Variants in SLC6A3 observed in about 807,000 individuals in gnomAD.
SLC6A3 encodes the protein solute carrier family 6 member 3.
SLC6A3 carries 19 observed loss-of-function variants against 70.4 expected under a neutral mutation model. The observed-to-expected ratio is 0.27, with a 90% CI of 0.19 to 0.40. The LOEUF is 0.40. Among genes scored for constraint, SLC6A3 ranks in the 10% least tolerant of loss-of-function variants. SLC6A3 has a pLI of 1.00. For synonymous variants in SLC6A3, 368 were observed against 356.6 expected, an observed-to-expected ratio of 1.03 and a Z score of -0.36; for missense variants, 613 against 838.5, an observed-to-expected ratio of 0.73 and a Z score of 3.32.
chr5:1,414,699 G>A lies in SLC6A3; in HGVS notation c.1148C>T (p.Ala383Val). Residue 383 changes from alanine (A) to valine (V), a missense_variant, in exon 8 of 15, where the codon GCC becomes GTC. Around this residue, in one of 4 missense-constraint regions of SLC6A3, gnomAD observed 348 missense variants for 481.2 expected, o/e 0.72. Transcript: ENST00000270349. ...QKHSVPIGDV[A>V]KDGPGLIFII... ...CAGCAGGAGGGGCTCACCGTCCTTG[G>A]CCACGTCCCCGATGGGCACACTGTG... The A allele has an allele frequency of 6.2e-7, 1 of 1,612,480 alleles. No homozygotes were observed. Among genetic ancestry groups the A allele is most frequent in the Non-Finnish European group, 8.5e-7 (1 of 1,179,776 alleles).
chr5:1,410,620 G>A (rs145791103), intron 9 of SLC6A3, among the ~76,000 whole-genome samples: 63 of 152,262 alleles, frequency 4.1e-4, no homozygotes, highest in Middle Eastern at 6.8e-3. Flanking sequence ...GGCCAGGCCT[G>A]GGATTGGTAG....
chr5:1,402,984 T>C lies in SLC6A3; in HGVS notation c.1705A>G (p.Met569Val), dbSNP rs570273361. ...GCCGCATAGATGGGCACCATGGCCATGGAGGATGTGGCGATGACCCAGCCC... is the reference window on the plus strand; with the variant it reads ...GCCGCATAGATGGGCACCATGGCCACGGAGGATGTGGCGATGACCCAGCCC... ...ALGWVIATSS[M>V]AMVPIYAAYK... is the part of the protein sequence containing the mutation. Residue 569 changes from methionine (M) to valine (V), a missense_variant, in exon 13 of 15, where the codon ATG becomes GTG. Around this residue, in one of 4 missense-constraint regions of SLC6A3, gnomAD observed 348 missense variants for 481.2 expected, o/e 0.72. Transcript: ENST00000270349. This position sits in a 1 kb window ranked among gnomAD's most constrained non-coding sequence, Gnocchi z 8.5. 6.2e-7 allele frequency: 1 copy of C among 1,614,056 alleles called. No homozygotes were observed. Among genetic ancestry groups the C allele is most frequent in the Non-Finnish European group, 8.5e-7 (1 of 1,180,022 alleles).
rs1486730697 is a variant in SLC6A3, at chr5:1,438,410, A to G, written c.418+2949T>C. Among the ~76,000 whole-genome samples, 1 of 152,234 alleles carries G rather than the reference A, an allele frequency of 6.6e-6. No homozygotes were observed. ...AGCTTACCCCGGCTGCGCATTGTGG[A>G]GAACACGATGATATGCCCACATCCG... On this transcript the variant is annotated intron_variant, in intron 3 of 14. Transcript: ENST00000270349. This position sits in a 1 kb window ranked among gnomAD's most constrained non-coding sequence, Gnocchi z 6.5.
chr5:1,416,182 G>C lies in SLC6A3; in HGVS notation c.947C>G (p.Thr316Ser). Reference sequence around the variant, plus strand: ...CACGCCCAGGGAGAAGCACACCTGGGTGGCCGCGTCAATCCAAACCTGCAG... The same window carrying C: ...CACGCCCAGGGAGAAGCACACCTGGCTGGCCGCGTCAATCCAAACCTGCAG... ...CEASVWIDAA[T>S]QVCFSLGVGF... The change falls in exon 7 of 15, where the codon ACC becomes AGC. Residue 316 changes from threonine to serine, a missense_variant. Thr to Ser is a moderately conservative substitution (Grantham distance 58, BLOSUM62 1). This residue lies in a region of SLC6A3 where 348 missense variants were observed against 481.2 expected (regional missense o/e 0.72). Coordinates refer to ENST00000270349, the MANE Select transcript of SLC6A3 (RefSeq NM_001044.5). The C allele has an allele frequency of 6.2e-7, 1 of 1,613,606 alleles. No homozygotes were observed. Among genetic ancestry groups the C allele is most frequent in the Non-Finnish European group, 8.5e-7 (1 of 1,179,972 alleles).
Position 1,413,170 on chromosome 5 carries a change from TATC to T in SLC6A3, c.1156+1518_1156+1520del. On this transcript the variant is annotated intron_variant, in intron 8 of 14. Coordinates refer to ENST00000270349, the MANE Select transcript of SLC6A3 (RefSeq NM_001044.5). This position sits in a 1 kb window ranked among gnomAD's most constrained non-coding sequence, Gnocchi z 7.1. Reference sequence around the variant, plus strand: ...AGAGGTTTTTGCAAACTATGCTCGTTATCATAATAAAGGGCAAAAAGAATGAAG... The same window carrying T: ...AGAGGTTTTTGCAAACTATGCTCGTTATAATAAAGGGCAAAAAGAATGAAG... Among the ~76,000 whole-genome samples the T allele has an allele frequency of 6.6e-6, 1 of 152,372 alleles. No homozygotes were observed. Among genetic ancestry groups the T allele is most frequent in the African/African-American group, 2.4e-5 (1 of 41,576 alleles).
chr5:1,441,047 A>G (rs28382231), intron 3 of SLC6A3, among the ~76,000 whole-genome samples: 459 of 152,392 alleles, frequency 3.0e-3, no homozygotes, highest in Non-Finnish European at 4.4e-3. Flanking sequence ...TGACGGATGG[A>G]CCGATGGATG....
chr5:1,443,514 C>T (rs1055788569), intron 1 of SLC6A3, among the ~76,000 whole-genome samples: 8 of 152,228 alleles, frequency 5.3e-5, no homozygotes, highest in Admixed American at 3.9e-4. Flanking sequence ...CCCCTCCCCA[C>T]TCCTATCAAA....
chr5:1,406,373 C>A lies in SLC6A3; in HGVS notation c.1499-85G>T. ...CACGTGTGGGGGTCCTCGCTGACTC[C>A]CAAGGGCCCCACCTACCGGCCCCAG... On this transcript the variant is annotated intron_variant, in intron 11 of 14. Coordinates refer to ENST00000270349, the MANE Select transcript of SLC6A3 (RefSeq NM_001044.5). The surrounding 1 kb of genome is among the most constrained non-coding windows in gnomAD (Gnocchi z 8.8). 1 of 1,166,202 alleles carries A rather than the reference C, an allele frequency of 8.6e-7. No homozygotes were observed. Among genetic ancestry groups the A allele is most frequent in the Non-Finnish European group, 1.3e-6 (1 of 774,382 alleles). 72.2% of individuals were successfully genotyped at this position (1,166,202 alleles called of 1,614,324 possible).
Position 1,406,966 on chromosome 5 carries a change from G to C in SLC6A3, c.1499-678C>G, listed in dbSNP as rs1041102881. On this transcript the variant is annotated intron_variant, in intron 11 of 14. Transcript: ENST00000270349. The surrounding 1 kb of genome is among the most constrained non-coding windows in gnomAD (Gnocchi z 8.8). ...GCCACCTAAGCTGCGGCCCACATCA[G>C]CATTCCCTTTTGTTTTAAGGCCGAA... 2.0e-5 allele frequency among the ~76,000 whole-genome samples: 3 copies of C among 152,196 alleles called. No homozygotes were observed. Among genetic ancestry groups the C allele is most frequent in the Non-Finnish European group, 2.9e-5 (2 of 68,034 alleles).
In SLC6A3 at chr5:1,394,282, T is replaced by C; in HGVS notation, c.*453A>G. On this transcript the variant is annotated 3_prime_UTR_variant, in exon 15 of 15. Transcript: ENST00000270349. The surrounding 1 kb of genome is among the most constrained non-coding windows in gnomAD (Gnocchi z 4.7). ...AGCTAAACCAAGCAGGACACTTGGC[T>C]TTTTAATATGGGCAAAGTAAATGGT... 4.2e-6 allele frequency: 1 copy of C among 236,040 alleles called. No individual in the cohort carries two copies. Among genetic ancestry groups the C allele is most frequent in the Non-Finnish European group, 8.4e-6 (1 of 119,378 alleles). 14.6% of individuals were successfully genotyped at this position (236,040 alleles called of 1,614,324 possible). A position where few individuals can be genotyped will look rare whatever the true frequency, so the allele number is the denominator to read the frequency against.
rs755819957 is a variant in SLC6A3 at position 1,411,592 on chromosome 5, C to A, written c.1157-237G>T. Reference sequence around the variant, plus strand: ...TCATGCCCACCACCCAGCAATGGGGCTCCTCCAAATTACCTGGGTCCTTTT... The same window carrying A: ...TCATGCCCACCACCCAGCAATGGGGATCCTCCAAATTACCTGGGTCCTTTT... On this transcript the variant is annotated intron_variant, in intron 8 of 14. Transcript: ENST00000270349. The surrounding 1 kb of genome is among the most constrained non-coding windows in gnomAD (Gnocchi z 6.5). Among the ~76,000 whole-genome samples, 2 of 152,248 alleles carry A rather than the reference C, an allele frequency of 1.3e-5. No homozygotes were observed. Among genetic ancestry groups the A allele is most frequent in the Non-Finnish European group, 2.9e-5 (2 of 68,040 alleles).
rs895761370 is a variant in SLC6A3, at chr5:1,404,150, A to G, written c.1600-1061T>C. On this transcript the variant is annotated intron_variant, in intron 12 of 14. Coordinates refer to ENST00000270349, the MANE Select transcript of SLC6A3 (RefSeq NM_001044.5). The surrounding 1 kb of genome is among the most constrained non-coding windows in gnomAD (Gnocchi z 5.2). ...GAAAAGCATGTTGGACGCGTGTCTCATGCCAGTCTCAGCATCTTCTTCATG... is the reference window on the plus strand; with the variant it reads ...GAAAAGCATGTTGGACGCGTGTCTCGTGCCAGTCTCAGCATCTTCTTCATG... Among the ~76,000 whole-genome samples, 2 of 152,226 alleles carry G rather than the reference A, an allele frequency of 1.3e-5. No individual in the cohort carries two copies. Among genetic ancestry groups the G allele is most frequent in the South Asian group, 4.1e-4 (2 of 4,824 alleles).
At chr5:1,422,210 C>T (rs951579048) in intron 4 of SLC6A3, among the ~76,000 whole-genome samples, 196 bp from the exon 5 acceptor site, 14 of 152,230 alleles carry the variant, frequency 9.2e-5, no homozygotes, top group African/African-American at 2.7e-4. Flanking sequence ...CCTTGAAACC[C>T]GTGGAGCACG....
chr5:1,404,657 C>A lies in SLC6A3; in HGVS notation c.1599+1531G>T, dbSNP rs999188582. Among the ~76,000 whole-genome samples the A allele has an allele frequency of 1.3e-5, 2 of 152,194 alleles. No homozygotes were observed. The highest frequency in any genetic ancestry group is 2.9e-5 in the Non-Finnish European group (2 of 68,038). On this transcript the variant is annotated intron_variant, in intron 12 of 14. Coordinates refer to ENST00000270349, the MANE Select transcript of SLC6A3 (RefSeq NM_001044.5). This position sits in a 1 kb window ranked among gnomAD's most constrained non-coding sequence, Gnocchi z 5.2. ...CAGAGGGCAGGGGACTATGCCGCAG[C>A]CTGAAGAAACAGATGATAACACAGA...
In SLC6A3 at chr5:1,413,633, G is replaced by C. The variant is rs552038105; in HGVS notation, c.1156+1058C>G. Among the ~76,000 whole-genome samples, 1 of 152,198 alleles carries C rather than the reference G, an allele frequency of 6.6e-6. No individual in the cohort carries two copies. The highest frequency in any genetic ancestry group is 1.5e-5 in the Non-Finnish European group (1 of 68,022). ...GGAGAAGACAGTCCAGAGGAAGCAAGGATGGGGACGCAGCATGGGAGCCCA... is the reference window on the plus strand; with the variant it reads ...GGAGAAGACAGTCCAGAGGAAGCAACGATGGGGACGCAGCATGGGAGCCCA... On this transcript the variant is annotated intron_variant, in intron 8 of 14. Coordinates refer to ENST00000270349, the MANE Select transcript of SLC6A3 (RefSeq NM_001044.5). This position sits in a 1 kb window ranked among gnomAD's most constrained non-coding sequence, Gnocchi z 7.1.
rs2126336842 is a variant in SLC6A3, at chr5:1,408,347, A to T, written c.1498+679T>A. Among the ~76,000 whole-genome samples the T allele has an allele frequency of 6.6e-6, 1 of 152,088 alleles. No homozygotes were observed. Among genetic ancestry groups the T allele is most frequent in the Non-Finnish European group, 1.5e-5 (1 of 67,960 alleles). ...GTGAGTCACCGCGCCCGGACCACAC[A>T]TTCATGGCGAGATGCCCTGGCTCGG... On this transcript the variant is annotated intron_variant, in intron 11 of 14. Transcript: ENST00000270349. This position sits in a 1 kb window ranked among gnomAD's most constrained non-coding sequence, Gnocchi z 6.4.
rs1466866491 is a variant in SLC6A3 at position 1,404,133 on chromosome 5, T to C, written c.1600-1044A>G. Among the ~76,000 whole-genome samples, 2 of 152,224 alleles carry C rather than the reference T, an allele frequency of 1.3e-5. No homozygotes were observed. Among genetic ancestry groups the C allele is most frequent in the Admixed American group, 6.5e-5 (1 of 15,292 alleles). On this transcript the variant is annotated intron_variant, in intron 12 of 14. Transcript: ENST00000270349. The surrounding 1 kb of genome is among the most constrained non-coding windows in gnomAD (Gnocchi z 5.2). ...ATCCAAGCCTTCCACCTGAAAAGCA[T>C]GTTGGACGCGTGTCTCATGCCAGTC...
chr5:1,421,923 C>T lies in SLC6A3; in HGVS notation c.745G>A (p.Val249Met), dbSNP rs777646374. 8 of 1,613,262 alleles carry T rather than the reference C, an allele frequency of 5.0e-6. No homozygotes were observed. The highest frequency in any genetic ancestry group is 2.2e-5 in the East Asian group (1 of 44,888). The change falls in exon 5 of 15, where the codon GTG becomes ATG. Residue 249 changes from valine to methionine, a missense_variant. Physicochemically the swap from Val to Met is conservative, Grantham distance 21. Transcript: ENST00000270349. This position sits in a 1 kb window ranked among gnomAD's most constrained non-coding sequence, Gnocchi z 7.2. ...TTCCAGAGGCTGAAGTAGAGCAGCACGATGACCAGCACCAGGCAGGCTGTG... is the reference window on the plus strand; with the variant it reads ...TTCCAGAGGCTGAAGTAGAGCAGCATGATGACCAGCACCAGGCAGGCTGTG... Reference protein sequence around the residue: ...QLTACLVLVIVLLYFSLWKGV... With the variant: ...QLTACLVLVIMLLYFSLWKGV...
At chr5:1,440,424 T>C (rs1480068065) in intron 3 of SLC6A3, among the ~76,000 whole-genome samples, 2 of 152,076 alleles carry the variant, frequency 1.3e-5, no homozygotes, top group Non-Finnish European at 2.9e-5. Flanking sequence ...GATGAATGGA[T>C]TGATAGGTGG....
Sources: allele counts gnomAD v4.1 joint callset (sites outside exome capture counted in the v4.1 genomes callset), GRCh38; gene constraint gnomAD v4.1.1; regional missense constraint gnomAD v4.1.1; non-coding constraint Gnocchi (gnomAD v3.1); transcripts MANE v1.5; gene names NCBI Gene and HGNC (gene_info 2026-07-23, HGNC 2026-07-21).